Variants in CNBD1 observed in about 807,000 individuals in gnomAD.
The protein encoded by CNBD1 is cyclic nucleotide-binding domain-containing protein 1.
A neutral mutation model predicts 54.4 loss-of-function variants in CNBD1; 71 were observed. The ratio of observed to expected loss-of-function variants is 1.30; its 90% CI spans 1.08 to 1.59. The LOEUF (loss-of-function observed/expected upper bound fraction) is 1.59. CNBD1 is among the 40% of genes most tolerant of loss of function. The probability of loss-of-function intolerance (pLI) is 0.00; values close to 1 mark genes in which losing one functional copy is unlikely to be tolerated. For synonymous variants in CNBD1, 182 were observed against 170.7 expected, an observed-to-expected ratio of 1.07 and a Z score of -0.51; for missense variants, 659 against 518.0, an observed-to-expected ratio of 1.27 and a Z score of -2.64.
chr8:87,127,878 C>A (rs1315241507), intron 4 of CNBD1, among the ~76,000 whole-genome samples: 5 of 152,128 alleles, frequency 3.3e-5, no homozygotes, highest in African/African-American at 4.8e-5. Flanking sequence ...TAAATGGGAA[C>A]AGGCATTTAT....
intron 2 of CNBD1, among the ~76,000 whole-genome samples, chr8:87,401,574 T>C (rs1807565714): frequency 6.6e-6 from 1 of 152,062 alleles, no homozygotes; most frequent in African/African-American, 2.4e-5. Flanking sequence ...TTTGTTGTTG[T>C]TGACTTTTTT....
intron 9 of CNBD1, among the ~76,000 whole-genome samples, chr8:87,352,782 T>G (rs1810331828): frequency 6.6e-6 from 1 of 152,206 alleles, no homozygotes; most frequent in Middle Eastern, 3.2e-3. Context: ...TCAGGGAGAC[T>G]TCAATGGAAT....
chr8:87,423,934 A>G lies in CNBD1; in HGVS notation c.214-4612A>G, dbSNP rs530187927. ...ACTCTTTTTGGTTGGTAAGCTATTG[A>G]TTATTGCCACAATTTCAGCTCCTGT... On this transcript the variant is annotated intron_variant, in intron 2 of 7. Coordinates refer to the CNBD1 transcript ENST00000521593. Among the ~76,000 whole-genome samples the G allele has an allele frequency of 7.4e-4, 112 of 152,348 alleles. 1 individual carries two copies. Among genetic ancestry groups the G allele is most frequent in the African/African-American group, 2.5e-3 (106 of 41,576 alleles).
chr8:87,413,536 C>G (rs1343479491), intron 2 of CNBD1, among the ~76,000 whole-genome samples: 2 of 151,990 alleles, frequency 1.3e-5, no homozygotes, highest in African/African-American at 4.8e-5. Flanking sequence ...CCAAGTGTTC[C>G]AAATTCTTCT....
chr8:87,208,234 T>G (rs1691264177), intron 5 of CNBD1, among the ~76,000 whole-genome samples: 1 of 152,160 alleles, frequency 6.6e-6, no homozygotes, highest in Non-Finnish European at 1.5e-5. Context: ...TAATAAAGCT[T>G]CCTAAACTTA....
chr8:87,029,958 C>A (rs1219699621), intron 4 of CNBD1, among the ~76,000 whole-genome samples: 1 of 152,032 alleles, frequency 6.6e-6, no homozygotes, highest in African/African-American at 2.4e-5. Flanking sequence ...AATGAAGTCA[C>A]AAATATAGTC....
chr8:87,060,134 A>G (rs899801229), intron 4 of CNBD1, among the ~76,000 whole-genome samples: 4 of 152,340 alleles, frequency 2.6e-5, no homozygotes, highest in Non-Finnish European at 5.9e-5. Flanking sequence ...CTGGAAGTGT[A>G]GTTCTCCCTA....
At chr8:87,388,277 G>C (rs1811233545) in intron 2 of CNBD1, among the ~76,000 whole-genome samples, 1 of 152,050 alleles carries the variant, frequency 6.6e-6, no homozygotes, top group Admixed American at 6.6e-5. Context: ...AGGAATTAGA[G>C]ACACAAAAAA....
At chr8:86,983,232 C>T (rs1214328565) in intron 4 of CNBD1, among the ~76,000 whole-genome samples, 1 of 152,074 alleles carries the variant, frequency 6.6e-6, no homozygotes, top group Non-Finnish European at 1.5e-5. Flanking sequence ...GGGGAGTTTC[C>T]CTGCACAATC....
At chr8:87,350,524 A>C (rs1278204195) in intron 8 of CNBD1, among the ~76,000 whole-genome samples, 3 of 151,802 alleles carry the variant, frequency 2.0e-5, no homozygotes, top group Non-Finnish European at 4.4e-5. Context: ...TATTTTAGCC[A>C]TAATTTTTAA....
At chr8:87,363,577 G>T (rs1810569081) in intron 10 of CNBD1, among the ~76,000 whole-genome samples, 1 of 151,974 alleles carries the variant, frequency 6.6e-6, no homozygotes, top group African/African-American at 2.4e-5. Context: ...TCTCATTGTG[G>T]TTTTGATTTG....
chr8:87,329,568 G>T (rs1220780350), intron 8 of CNBD1, among the ~76,000 whole-genome samples: 2 of 151,918 alleles, frequency 1.3e-5, no homozygotes, highest in Non-Finnish European at 2.9e-5. Context: ...GTACTTCTTT[G>T]ATATATTTTA....
At chr8:87,426,701 A>G (rs9642977) in intron 2 of CNBD1, among the ~76,000 whole-genome samples, 86,066 of 152,020 alleles carry the variant, frequency 0.57, 25,873 homozygotes, top group African/African-American at 0.77. Context: ...TGTGAGGACT[A>G]CATGAAATAA....
intron 1 of CNBD1, among the ~76,000 whole-genome samples, chr8:86,874,219 A>C (rs766107950): frequency 6.6e-6 from 1 of 152,136 alleles, no homozygotes; most frequent in African/African-American, 2.4e-5. Context: ...TTGTCTCTTC[A>C]ATTCTTTCAG....
intron 6 of CNBD1, among the ~76,000 whole-genome samples, chr8:87,244,382 G>A (rs1261402343): frequency 6.6e-6 from 1 of 152,064 alleles, no homozygotes; most frequent in Admixed American, 6.6e-5. Context: ...TTTTCCTTTA[G>A]CTTAGTAATT....
At chr8:87,183,572 G>A (rs1813409753) in intron 4 of CNBD1, among the ~76,000 whole-genome samples, 2 of 151,982 alleles carry the variant, frequency 1.3e-5, no homozygotes, top group Non-Finnish European at 2.9e-5. Context: ...TTGCTGGGGA[G>A]CTAATGTGGT....
At chr8:86,951,633 C>T (rs1046904680) in intron 4 of CNBD1, among the ~76,000 whole-genome samples, 24 of 129,356 alleles carry the variant, frequency 1.9e-4, no homozygotes, top group African/African-American at 6.6e-4. Flanking sequence ...ATTGCCCCTA[C>T]CAGTAAATAT....
chr8:87,412,021 A>T (rs1447630100), intron 2 of CNBD1, among the ~76,000 whole-genome samples: 2 of 152,042 alleles, frequency 1.3e-5, no homozygotes, highest in African/African-American at 4.8e-5. Context: ...GACATTCATT[A>T]GTGCTTTTGG....
intron 4 of CNBD1, among the ~76,000 whole-genome samples, chr8:87,105,979 G>A (rs557898569): frequency 1.3e-5 from 2 of 152,052 alleles, no homozygotes; most frequent in South Asian, 2.1e-4. Flanking sequence ...CTTTGATAAC[G>A]CTGACCCTTG....
Sources: allele counts gnomAD v4.1 joint callset (sites outside exome capture counted in the v4.1 genomes callset), GRCh38; gene constraint gnomAD v4.1.1; transcripts MANE v1.5; gene names NCBI Gene and HGNC (gene_info 2026-07-23, HGNC 2026-07-21).